Variants in MEGF11 observed in about 807,000 individuals in gnomAD.
The protein encoded by MEGF11 is multiple epidermal growth factor-like domains protein 11.
Under a neutral mutation model 146.6 loss-of-function variants are expected in MEGF11, and 126 were observed. The ratio of observed to expected loss-of-function variants is 0.86; its 90% CI spans 0.74 to 1.00. The LOEUF (loss-of-function observed/expected upper bound fraction) is 1.00, where lower values mean the gene tolerates loss of function less well. Ranked by LOEUF, MEGF11 falls within the 50% of genes least tolerant of loss-of-function variation. The pLI, the probability that MEGF11 is intolerant of heterozygous loss-of-function variation, is 0.00. For missense variants in MEGF11, 1,509 were observed against 1,521.2 expected (o/e 0.99, Z 0.13); for synonymous variants, 532 against 583.4 (o/e 0.91, Z 1.27).
intron 5 of MEGF11, among the ~76,000 whole-genome samples, chr15:66,018,186 G>A (rs1243809179): frequency 6.6e-6 from 1 of 152,178 alleles, no homozygotes; most frequent in Non-Finnish European, 1.5e-5. Context: ...AGTCTCCCTT[G>A]GGTGCCTGAC....
intron 1 of MEGF11, among the ~76,000 whole-genome samples, chr15:66,246,323 G>T (rs1403499583): frequency 1.3e-5 from 2 of 152,128 alleles, no homozygotes; most frequent in African/African-American, 4.8e-5. Context: ...CAAGCAGAGT[G>T]TATGGAATGG....
chr15:65,998,659 G>T (rs2082270979), intron 5 of MEGF11, among the ~76,000 whole-genome samples: 2 of 152,182 alleles, frequency 1.3e-5, no homozygotes, highest in Non-Finnish European at 2.9e-5. Flanking sequence ...GGTCACGGTG[G>T]TGGTGGGTCC....
chr15:66,043,518 G>A (rs979359818), intron 5 of MEGF11, among the ~76,000 whole-genome samples: 6 of 152,148 alleles, frequency 3.9e-5, no homozygotes, highest in African/African-American at 9.7e-5. Flanking sequence ...TTATGCCCGC[G>A]TGATGTTGAC....
intron 5 of MEGF11, among the ~76,000 whole-genome samples, chr15:66,053,713 CAATTTTTTT>C (rs2084549479): frequency 1.4e-5 from 1 of 72,594 alleles, no homozygotes; most frequent in African/African-American, 7.6e-5. Context: ...CCCCTGGCAC[CAATTTTTTT>C]TTTTTTTTTT....
At chr15:66,218,448 A>G (rs939710838) in intron 1 of MEGF11, among the ~76,000 whole-genome samples, 1 of 152,042 alleles carries the variant, frequency 6.6e-6, no homozygotes, top group Non-Finnish European at 1.5e-5. Flanking sequence ...TCTGTCCCCA[A>G]ACTCGATTTT....
intron 1 of MEGF11, among the ~76,000 whole-genome samples, chr15:66,230,791 TTTAA>T (rs2091952500): frequency 6.6e-6 from 1 of 152,214 alleles, no homozygotes; most frequent in South Asian, 2.1e-4. Flanking sequence ...GTAAAGAGTT[TTTAA>T]AAACCCACTC....
chr15:66,193,747 T>C (rs946434738), intron 1 of MEGF11, among the ~76,000 whole-genome samples: 3 of 152,022 alleles, frequency 2.0e-5, no homozygotes, highest in African/African-American at 7.2e-5. Flanking sequence ...AAGGGAAGGC[T>C]GTATATTAGT....
At chr15:66,109,629 G>A (rs999575511) in intron 4 of MEGF11, among the ~76,000 whole-genome samples, 1 of 152,222 alleles carries the variant, frequency 6.6e-6, no homozygotes, top group African/African-American at 2.4e-5. Flanking sequence ...AGCAGAGGAA[G>A]TGAGTGGAGT....
intron 7 of MEGF11, 128 bp from the exon 8 acceptor site, chr15:65,970,817 C>A: frequency 9.1e-7 from 1 of 1,094,138 alleles, no homozygotes; most frequent in Non-Finnish European, 1.3e-6. Flanking sequence ...AGCTGGACAC[C>A]AGGGCTCCAA....
intron 1 of MEGF11, among the ~76,000 whole-genome samples, chr15:66,129,930 T>A (rs2088567155): frequency 6.6e-6 from 1 of 152,220 alleles, no homozygotes; most frequent in South Asian, 2.1e-4. Flanking sequence ...TTCAAATGAA[T>A]GCATTCTGAA....
intron 1 of MEGF11, among the ~76,000 whole-genome samples, chr15:66,182,266 G>A (rs562520222): frequency 1.3e-5 from 2 of 152,310 alleles, no homozygotes; most frequent in South Asian, 4.2e-4. Flanking sequence ...TCTGAAGGAA[G>A]TAACTTTTCC....
intron 1 of MEGF11, among the ~76,000 whole-genome samples, chr15:66,244,714 G>A (rs1004037947): frequency 6.6e-6 from 1 of 152,152 alleles, no homozygotes; most frequent in Non-Finnish European, 1.5e-5. Context: ...ACCTGAAGTA[G>A]TACCCAGCAC....
chr15:66,073,555 T>A (rs2085456130), intron 5 of MEGF11, among the ~76,000 whole-genome samples: 1 of 152,238 alleles, frequency 6.6e-6, no homozygotes, highest in South Asian at 2.1e-4. Context: ...CCCATCTCCT[T>A]TCCAGGATCT....
intron 17 of MEGF11, chr15:65,916,552 GC>G: frequency 1.5e-6 from 1 of 665,362 alleles, no homozygotes; most frequent in Non-Finnish European, 2.6e-6. Context: ...CCCACTCTGG[GC>G]CCCACTGTCC....
intron 1 of MEGF11, among the ~76,000 whole-genome samples, chr15:66,243,300 C>T (rs1357140318): frequency 6.6e-6 from 1 of 152,188 alleles, no homozygotes; most frequent in Admixed American, 6.5e-5. Flanking sequence ...TGTCCCCTGG[C>T]GTTGAGGACT....
At chr15:66,079,444 C>A (rs2085738753) in intron 5 of MEGF11, among the ~76,000 whole-genome samples, 1 of 152,036 alleles carries the variant, frequency 6.6e-6, no homozygotes, top group East Asian at 1.9e-4. Context: ...GCGGGCTGGG[C>A]AGAAGAACCA....
chr15:65,932,956 C>A (rs190762636), intron 10 of MEGF11, among the ~76,000 whole-genome samples: 144 of 152,260 alleles, frequency 9.5e-4, no homozygotes, highest in Admixed American at 5.4e-3. Flanking sequence ...GTCTCAGTTC[C>A]CGCATCTCTG....
At chr15:65,984,525 CAA>C (rs35017296) in intron 5 of MEGF11, among the ~76,000 whole-genome samples, 4 of 49,518 alleles carry the variant, frequency 8.1e-5, no homozygotes, top group East Asian at 8.0e-4. Context: ...GACTCCGTGT[CAA>C]AAAAAAAAAA....
At chr15:66,130,661 AAAGG>A (rs3082861) in intron 1 of MEGF11, among the ~76,000 whole-genome samples, 1 of 146,052 alleles carries the variant, frequency 6.8e-6, no homozygotes, top group African/African-American at 2.6e-5. Context: ...AAATAAAGAG[AAAGG>A]AAGGAAGGAA....
Sources: gnomAD v4.1 joint callset for allele counts (sites outside exome capture counted in the v4.1 genomes callset) on GRCh38, gnomAD v4.1.1 for gene constraint, MANE v1.5 for transcripts, NCBI Gene and HGNC (gene_info 2026-07-23, HGNC 2026-07-21) for gene names.